Variants in WWOX observed in about 807,000 individuals in gnomAD.
WWOX encodes the protein WW domain containing oxidoreductase.
WWOX carries 69 observed loss-of-function variants against 46.2 expected under a neutral mutation model. The observed-to-expected ratio is 1.49, with a 90% CI of 1.23 to 1.82. The LOEUF is 1.82. Ranked by LOEUF, WWOX falls within the 40% of genes most tolerant of loss-of-function variation. The pLI is 0.00. For missense variants in WWOX, 919 were observed against 542.6 expected (o/e 1.69, Z -6.89); for synonymous variants, 359 against 202.6 (o/e 1.77, Z -6.56).
At chr16:78,397,912 T>C (rs911632361) in intron 6 of WWOX, among the ~76,000 whole-genome samples, 2 of 152,212 alleles carry the variant, frequency 1.3e-5, no homozygotes, top group African/African-American at 2.4e-5. Context: ...TCTCGTCCGC[T>C]CAGTTAAGGT....
At chr16:78,913,971 T>C (rs1351268635) in intron 8 of WWOX, among the ~76,000 whole-genome samples, 3 of 151,986 alleles carry the variant, frequency 2.0e-5, no homozygotes, top group African/African-American at 7.2e-5. Context: ...CATACTGCTA[T>C]TCCAGACAAG....
In WWOX at chr16:78,593,540, C is replaced by A. The variant is rs2045401122; in HGVS notation, c.1056+160788C>A. On this transcript the variant is annotated intron_variant, in intron 8 of 8. Coordinates refer to ENST00000566780, the MANE Select transcript of WWOX (RefSeq NM_016373.4). ...CCAGTCACAGTTCCTGATTCCCGGC[C>A]ACAGTGCATGATGGGGGAATGAGCA... Among the ~76,000 whole-genome samples the A allele has an allele frequency of 2.6e-5, 4 of 152,156 alleles. No homozygotes were observed. The South Asian group carries it at 8.3e-4, about 32-fold the overall frequency.
At chr16:78,528,216 G>A (rs575873716) in intron 8 of WWOX, among the ~76,000 whole-genome samples, 79 of 120,464 alleles carry the variant, frequency 6.6e-4, no homozygotes, top group Admixed American at 8.7e-4. Context: ...GGGTTTCACC[G>A]TGTTAGCCAG....
At chr16:78,270,761 C>G (rs1004169755) in intron 5 of WWOX, among the ~76,000 whole-genome samples, 2 of 152,062 alleles carry the variant, frequency 1.3e-5, no homozygotes, top group Non-Finnish European at 2.9e-5. Flanking sequence ...TAGGAATGAA[C>G]CAATTATGGC....
At chr16:78,953,573 G>C (rs536173024) in intron 8 of WWOX, among the ~76,000 whole-genome samples, 1 of 152,110 alleles carries the variant, frequency 6.6e-6, no homozygotes, top group Non-Finnish European at 1.5e-5. Flanking sequence ...ACTCATTGAC[G>C]GCAGAGAGTG....
intron 8 of WWOX, among the ~76,000 whole-genome samples, chr16:78,463,186 A>G (rs927016526): frequency 6.6e-6 from 1 of 152,238 alleles, no homozygotes; most frequent in Admixed American, 6.5e-5. Flanking sequence ...AACAGGCAGC[A>G]CTGAGGAATT....
At chr16:78,524,652 C>G (rs1238629353) in intron 8 of WWOX, among the ~76,000 whole-genome samples, 1 of 151,696 alleles carries the variant, frequency 6.6e-6, no homozygotes, top group Non-Finnish European at 1.5e-5. Flanking sequence ...AACTCCTGAC[C>G]TCGTGATCCA....
At chr16:78,183,501 G>A (rs940790707) in intron 5 of WWOX, among the ~76,000 whole-genome samples, 2 of 152,208 alleles carry the variant, frequency 1.3e-5, no homozygotes, top group Non-Finnish European at 2.9e-5. Flanking sequence ...TTCTGTAGCA[G>A]TGTTGTGGAT....
At chr16:79,186,810 C>T (rs1018110491) in intron 8 of WWOX, among the ~76,000 whole-genome samples, 10 of 152,038 alleles carry the variant, frequency 6.6e-5, no homozygotes, top group Admixed American at 5.9e-4. Flanking sequence ...AACTGGGGGT[C>T]AGGGAAGCTT....
At chr16:79,141,279 G>A (rs2050084345) in intron 8 of WWOX, among the ~76,000 whole-genome samples, 1 of 152,278 alleles carries the variant, frequency 6.6e-6, no homozygotes, top group South Asian at 2.1e-4. Context: ...CACCTTTCCA[G>A]ACCGAACGAG....
chr16:78,832,300 G>A (rs941963925), intron 8 of WWOX, among the ~76,000 whole-genome samples: 3 of 152,250 alleles, frequency 2.0e-5, no homozygotes, highest in East Asian at 3.9e-4. Context: ...TATGTCATCT[G>A]GTCTCCCACA....
At chr16:78,949,345 A>C (rs1228253144) in intron 8 of WWOX, among the ~76,000 whole-genome samples, 1 of 152,122 alleles carries the variant, frequency 6.6e-6, no homozygotes, top group African/African-American at 2.4e-5. Context: ...CTGTGGCAGC[A>C]ATAGAAAATC....
chr16:78,416,104 A>C (rs1371161046), intron 6 of WWOX, among the ~76,000 whole-genome samples: 5 of 152,174 alleles, frequency 3.3e-5, no homozygotes, highest in Non-Finnish European at 7.3e-5. Context: ...AATCCACCCA[A>C]GAAGAAGAAA....
At chr16:78,307,414 A>G (rs915759533) in intron 5 of WWOX, among the ~76,000 whole-genome samples, 2 of 152,204 alleles carry the variant, frequency 1.3e-5, no homozygotes, top group Non-Finnish European at 2.9e-5. Flanking sequence ...AAGTACAATT[A>G]TAAGTGTTCT....
chr16:78,818,696 A>G (rs575056752), intron 8 of WWOX, among the ~76,000 whole-genome samples: 19 of 152,342 alleles, frequency 1.2e-4, no homozygotes, highest in Admixed American at 2.6e-4. Context: ...CCACAGGACT[A>G]TAGCCTGGGC....
intron 8 of WWOX, among the ~76,000 whole-genome samples, chr16:79,021,282 G>A (rs1309514590): frequency 2.0e-5 from 3 of 152,098 alleles, no homozygotes; most frequent in East Asian, 1.9e-4. Flanking sequence ...AGGTGCTAGG[G>A]TAAGGCACGC....
chr16:79,148,231 A>G (rs543172357), intron 8 of WWOX, among the ~76,000 whole-genome samples: 3 of 152,262 alleles, frequency 2.0e-5, no homozygotes, highest in Admixed American at 2.0e-4. Flanking sequence ...CCCATGATAA[A>G]TTTTGAGTTA....
intron 8 of WWOX, among the ~76,000 whole-genome samples, chr16:78,799,363 G>C: frequency 6.6e-6 from 1 of 152,142 alleles, no homozygotes; most frequent in East Asian, 1.9e-4. Flanking sequence ...GTCCATCTGG[G>C]TTAGCAAACA....
intron 8 of WWOX, among the ~76,000 whole-genome samples, chr16:78,827,956 A>T (rs2051709425): frequency 6.6e-6 from 1 of 152,224 alleles, no homozygotes; most frequent in Non-Finnish European, 1.5e-5. Context: ...AAGCTGGTTG[A>T]CATGACTGGG....
Sources: gnomAD v4.1 joint callset for allele counts (sites outside exome capture counted in the v4.1 genomes callset) on GRCh38, gnomAD v4.1.1 for gene constraint, MANE v1.5 for transcripts, NCBI Gene and HGNC (gene_info 2026-07-23, HGNC 2026-07-21) for gene names.